Variants in DNM3 observed in about 807,000 individuals in gnomAD.
DNM3 encodes dynamin-3.
Under a neutral mutation model 101.6 loss-of-function variants are expected in DNM3, and 47 were observed. The ratio of observed to expected loss-of-function variants is 0.46; its 90% CI spans 0.37 to 0.59. DNM3 has a LOEUF of 0.59. Ranked by LOEUF, DNM3 falls within the 20% of genes least tolerant of loss-of-function variation. The pLI is 0.00. For missense variants in DNM3, 849 were observed against 1,085.7 expected, an observed-to-expected ratio of 0.78 and a Z score of 3.06; for synonymous variants, 385 against 387.9, an observed-to-expected ratio of 0.99 and a Z score of 0.09.
chr1:172,339,114 C>T (rs746433586), intron 17 of DNM3: 6 of 459,762 alleles, frequency 1.3e-5, no homozygotes, highest in African/African-American at 8.1e-5. Context: ...AATATTTGGT[C>T]GTATTTTGAT....
intron 4 of DNM3, among the ~76,000 whole-genome samples, chr1:171,994,690 G>A (rs900881087): frequency 6.7e-6 from 1 of 149,674 alleles, no homozygotes; most frequent in African/African-American, 2.5e-5. Flanking sequence ...TTCCTTTTAA[G>A]TTTTTTGGTT....
chr1:172,249,386 C>G (rs1196442498), intron 14 of DNM3, among the ~76,000 whole-genome samples: 3 of 152,162 alleles, frequency 2.0e-5, no homozygotes, highest in Admixed American at 6.6e-5. Context: ...CCCTTTCACA[C>G]AAAGATGCAC....
intron 15 of DNM3, among the ~76,000 whole-genome samples, chr1:172,276,855 ATGAGT>A (rs1356487101): frequency 6.6e-6 from 1 of 152,068 alleles, no homozygotes; most frequent in Non-Finnish European, 1.5e-5. Context: ...TTACAACTCT[ATGAGT>A]TGTTTGGAAA....
intron 14 of DNM3, among the ~76,000 whole-genome samples, chr1:172,177,383 T>A (rs759941738): frequency 1.3e-5 from 2 of 151,846 alleles, no homozygotes; most frequent in Non-Finnish European, 2.9e-5. Context: ...AAATTCGACT[T>A]TATCATAGCT....
intron 15 of DNM3, among the ~76,000 whole-genome samples, chr1:172,296,038 G>C (rs1015980788): frequency 7.8e-6 from 1 of 127,996 alleles, no homozygotes; most frequent in Non-Finnish European, 1.7e-5. Flanking sequence ...AGCAACCATT[G>C]ATGGAGAATC....
intron 15 of DNM3, among the ~76,000 whole-genome samples, chr1:172,299,625 A>C (rs2586414): frequency 6.6e-6 from 1 of 152,068 alleles, no homozygotes; most frequent in African/African-American, 2.4e-5. Flanking sequence ...ATAAGTGAGA[A>C]CATGCAGTAT....
intron 14 of DNM3, among the ~76,000 whole-genome samples, chr1:172,201,015 A>G (rs2060133526): frequency 6.6e-6 from 1 of 152,138 alleles, no homozygotes; most frequent in African/African-American, 2.4e-5. Context: ...TTTTAATGGC[A>G]GTATAGATTG....
intron 14 of DNM3, among the ~76,000 whole-genome samples, chr1:172,168,911 A>G (rs1412331865): frequency 6.6e-6 from 1 of 151,946 alleles, no homozygotes; most frequent in Non-Finnish European, 1.5e-5. Context: ...ATTATCAAGA[A>G]GGGGTTTCTA....
At chr1:172,397,809 T>C (rs763628828) in intron 20 of DNM3, among the ~76,000 whole-genome samples, 3 of 152,110 alleles carry the variant, frequency 2.0e-5, no homozygotes, top group Admixed American at 6.5e-5. Flanking sequence ...CATATGTGGC[T>C]ATTTGATGTA....
At chr1:171,943,852 CT>C (rs916156212) in intron 2 of DNM3, among the ~76,000 whole-genome samples, 78 of 152,214 alleles carry the variant, frequency 5.1e-4, no homozygotes, top group African/African-American at 1.8e-3. Flanking sequence ...TTTTTATCAA[CT>C]TTTTTTATGT....
At chr1:172,308,626 C>A in intron 15 of DNM3, 102 bp from the exon 16 acceptor site, 1 of 476,986 alleles carries the variant, frequency 2.1e-6, no homozygotes, top group Non-Finnish European at 3.5e-6. Context: ...CAGAAACTGT[C>A]CATTTGGATT....
chr1:172,019,293 TTGA>T (rs2047669734), intron 4 of DNM3, among the ~76,000 whole-genome samples: 1 of 151,982 alleles, frequency 6.6e-6, no homozygotes, highest in East Asian at 1.9e-4. Flanking sequence ...GAATTCTAAG[TTGA>T]TATTTTATTT....
intron 14 of DNM3, among the ~76,000 whole-genome samples, chr1:172,186,383 T>G (rs533967132): frequency 6.0e-5 from 5 of 82,658 alleles, no homozygotes; most frequent in East Asian, 2.1e-4. Flanking sequence ...TCAGTTGCTG[T>G]TTTTTTTTTT....
intron 4 of DNM3, among the ~76,000 whole-genome samples, chr1:171,989,786 T>G (rs944912684): frequency 6.6e-6 from 1 of 152,152 alleles, no homozygotes; most frequent in Admixed American, 6.5e-5. Flanking sequence ...CTGTTTAAAG[T>G]GATTGTGGAA....
At chr1:171,895,343 A>G (rs997049012) in intron 1 of DNM3, among the ~76,000 whole-genome samples, 14 of 152,140 alleles carry the variant, frequency 9.2e-5, no homozygotes, top group African/African-American at 3.1e-4. Context: ...CTGGTGTGAG[A>G]TGGTATCTCA....
chr1:171,854,122 A>C (rs531882220), intron 1 of DNM3, among the ~76,000 whole-genome samples: 1 of 152,206 alleles, frequency 6.6e-6, no homozygotes, highest in Non-Finnish European at 1.5e-5. Context: ...CCTTAACAGA[A>C]ACTAGTGTAG....
intron 1 of DNM3, among the ~76,000 whole-genome samples, chr1:171,891,372 A>G (rs1033160690): frequency 1.3e-5 from 2 of 151,978 alleles, no homozygotes; most frequent in African/African-American, 4.8e-5. Context: ...GAAAAATTAC[A>G]AAGAGTACCC....
intron 12 of DNM3, among the ~76,000 whole-genome samples, chr1:172,088,986 T>C (rs539134790): frequency 2.6e-5 from 4 of 152,340 alleles, no homozygotes; most frequent in Non-Finnish European, 5.9e-5. Flanking sequence ...CATACACCAA[T>C]TTGGTTCTAC....
At chr1:172,044,479 T>A in intron 9 of DNM3, 27 bp downstream of exon 9, 1 of 1,582,574 alleles carries the variant, frequency 6.3e-7, no homozygotes, top group Non-Finnish European at 8.6e-7. Context: ...TTTCTTGTCA[T>A]CTGTTCAAGC....
Sources: allele counts gnomAD v4.1 joint callset (sites outside exome capture counted in the v4.1 genomes callset), GRCh38; gene constraint gnomAD v4.1.1; transcripts MANE v1.5; gene names NCBI Gene and HGNC (gene_info 2026-07-23, HGNC 2026-07-21).